The following CNTN1 variants were observed in gnomAD, a reference collection of about 807,000 sequenced individuals.
The protein encoded by CNTN1 is contactin-1.
CNTN1 carries 38 observed loss-of-function variants against 126.4 expected under a neutral mutation model. The ratio of observed to expected loss-of-function variants is 0.30; its 90% CI spans 0.23 to 0.39. CNTN1 has a LOEUF of 0.39. CNTN1 is among the 10% of genes least tolerant of loss of function. The pLI is 1.00. For synonymous variants in CNTN1, 413 were observed against 422.6 expected (o/e 0.98, Z 0.28); for missense variants, 1,009 against 1,248.4 (o/e 0.81, Z 2.89).
At chr12:40,966,463 C>T (rs748987473) in intron 15 of CNTN1, among the ~76,000 whole-genome samples, 11 of 152,008 alleles carry the variant, frequency 7.2e-5, no homozygotes, top group African/African-American at 1.7e-4. Flanking sequence ...CAAAGAAATA[C>T]GACTGGGCTG....
At chr12:40,784,788 T>G (rs1939942756) in intron 1 of CNTN1, among the ~76,000 whole-genome samples, 1 of 152,136 alleles carries the variant, frequency 6.6e-6, no homozygotes, top group Non-Finnish European at 1.5e-5. Flanking sequence ...GAAATGTACT[T>G]ACCCACACCT....
chr12:40,772,999 C>G (rs1008537401), intron 1 of CNTN1, among the ~76,000 whole-genome samples: 2 of 151,812 alleles, frequency 1.3e-5, no homozygotes, highest in African/African-American at 4.8e-5. Context: ...TGGATATACG[C>G]ACATTGGATA....
intron 1 of CNTN1, among the ~76,000 whole-genome samples, chr12:40,874,980 G>A (rs143943531): frequency 1.1e-3 from 163 of 152,154 alleles, no homozygotes; most frequent in African/African-American, 3.7e-3. Context: ...TAAAAATAAG[G>A]TAATCAGGCC....
chr12:40,905,336 T>G (rs1944769844), intron 1 of CNTN1, among the ~76,000 whole-genome samples: 1 of 152,232 alleles, frequency 6.6e-6, no homozygotes, highest in African/African-American at 2.4e-5. Flanking sequence ...AAAATATCAC[T>G]GATGTACTCT....
At chr12:40,852,260 C>T (rs184976003) in intron 1 of CNTN1, among the ~76,000 whole-genome samples, 331 of 152,258 alleles carry the variant, frequency 2.2e-3, no homozygotes, top group Non-Finnish European at 3.9e-3. Flanking sequence ...ATTAACCCCT[C>T]GGTTTCCTTA....
chr12:40,914,346 G>A (rs1945155248), intron 3 of CNTN1, among the ~76,000 whole-genome samples: 1 of 152,166 alleles, frequency 6.6e-6, no homozygotes, highest in Admixed American at 6.5e-5. Context: ...GGTACAGCCT[G>A]CGAGGGAGAC....
chr12:40,976,326 T>C (rs548924705), intron 15 of CNTN1, among the ~76,000 whole-genome samples: 40 of 152,268 alleles, frequency 2.6e-4, no homozygotes, highest in African/African-American at 9.4e-4. Flanking sequence ...ATTCCAACAG[T>C]CTTTTTCAAC....
At chr12:40,918,876 C>T (rs923494180) in intron 4 of CNTN1, 105 bp downstream of exon 4, 9 of 1,377,820 alleles carry the variant, frequency 6.5e-6, no homozygotes, top group Non-Finnish European at 9.3e-6. Flanking sequence ...CTGCAAATTC[C>T]ATGGACATTA....
intron 1 of CNTN1, among the ~76,000 whole-genome samples, chr12:40,873,669 C>CT (rs1159880698): frequency 2.0e-5 from 3 of 152,096 alleles, no homozygotes; most frequent in African/African-American, 7.2e-5. Flanking sequence ...AAGGATCTTC[C>CT]TTTTAGAATA....
chr12:40,737,285 A>ATGTG (rs34925321), intron 1 of CNTN1, among the ~76,000 whole-genome samples: 104,465 of 140,862 alleles, frequency 0.74, 39,152 homozygotes, highest in Non-Finnish European at 0.79. Context: ...TAGGATATAT[A>ATGTG]TGTGTGTGTG....
chr12:40,953,150 TA>T (rs530378188), intron 14 of CNTN1, among the ~76,000 whole-genome samples: 309 of 152,274 alleles, frequency 2.0e-3, no homozygotes, highest in Non-Finnish European at 3.6e-3. Flanking sequence ...TGGGTATTTA[TA>T]TGTTGGAAGT....
intron 23 of CNTN1, among the ~76,000 whole-genome samples, chr12:41,055,520 C>A (rs139214808): frequency 6.6e-6 from 1 of 152,062 alleles, no homozygotes; most frequent in Non-Finnish European, 1.5e-5. Context: ...TTTACCACAC[C>A]GTACTACAGT....
Position 40,844,682 on chromosome 12 carries a change from G to A in CNTN1, c.-76-63675G>A, listed in dbSNP as rs1029720265. ...CCTTTAGTTTTTACAGGTAGAAACT[G>A]AATTTCTCATGATTGATTCTTGCTG... On this transcript the variant is annotated intron_variant, in intron 1 of 23. Coordinates refer to ENST00000551295, the MANE Select transcript of CNTN1 (RefSeq NM_001843.4). Among the ~76,000 whole-genome samples the A allele has an allele frequency of 3.8e-4, 58 of 152,186 alleles. 1 individual carries two copies. Among genetic ancestry groups the A allele is most frequent in the Admixed American group, 2.4e-3 (37 of 15,254 alleles).
chr12:41,043,390 A>C (rs572821381), intron 23 of CNTN1, among the ~76,000 whole-genome samples: 11 of 152,348 alleles, frequency 7.2e-5, no homozygotes, highest in Non-Finnish European at 1.5e-4. Flanking sequence ...GCCAAAAAAC[A>C]TGAAAAAATG....
chr12:40,970,315 C>T (rs190847165), intron 15 of CNTN1, among the ~76,000 whole-genome samples: 2 of 149,100 alleles, frequency 1.3e-5, no homozygotes, highest in African/African-American at 4.9e-5. Context: ...AAACTGCGTT[C>T]AAAAGAAAAA....
intron 1 of CNTN1, among the ~76,000 whole-genome samples, chr12:40,809,764 C>T (rs1377904401): frequency 2.0e-5 from 3 of 150,944 alleles, no homozygotes; most frequent in Admixed American, 1.3e-4. Context: ...TGCAGTGAGC[C>T]GAGATTGTGC....
intron 1 of CNTN1, among the ~76,000 whole-genome samples, chr12:40,841,315 T>G (rs1942270754): frequency 6.6e-6 from 1 of 151,944 alleles, no homozygotes; most frequent in African/African-American, 2.4e-5. Context: ...AGAAAAACCC[T>G]GTATCAGATG....
chr12:40,918,557 C>T, intron 3 of CNTN1, 82 bp from the exon 4 acceptor site: 2 of 1,276,622 alleles, frequency 1.6e-6, no homozygotes, highest in South Asian at 1.3e-5. Flanking sequence ...TGATTTTTTT[C>T]AAGTAATTTT....
At chr12:40,761,592 T>C (rs1224880767) in intron 1 of CNTN1, among the ~76,000 whole-genome samples, 1 of 152,150 alleles carries the variant, frequency 6.6e-6, no homozygotes, top group Admixed American at 6.5e-5. Flanking sequence ...TAAGGTTTTT[T>C]TAAAAATCTA....
Sources: allele counts gnomAD v4.1 joint callset (sites outside exome capture counted in the v4.1 genomes callset), GRCh38; gene constraint gnomAD v4.1.1; transcripts MANE v1.5; gene names NCBI Gene and HGNC (gene_info 2026-07-23, HGNC 2026-07-21).